The following DTX4 variants were observed in gnomAD, a reference collection of about 807,000 sequenced individuals.
DTX4 encodes the protein E3 ubiquitin-protein ligase DTX4.
Under a neutral mutation model 57.6 loss-of-function variants are expected in DTX4, and 28 were observed. The ratio of observed to expected loss-of-function variants is 0.49; its 90% CI spans 0.36 to 0.67. The LOEUF (loss-of-function observed/expected upper bound fraction) is 0.67. Among genes scored for constraint, DTX4 ranks in the 30% least tolerant of loss-of-function variants. The pLI, the probability that DTX4 is intolerant of heterozygous loss-of-function variation, is 0.00. For synonymous variants in DTX4, 316 were observed against 331.0 expected (o/e 0.95, Z 0.49); for missense variants, 715 against 836.8 (o/e 0.85, Z 1.80).
intron 1 of DTX4, among the ~76,000 whole-genome samples, chr11:59,174,224 G>A (rs556224407): frequency 6.6e-6 from 1 of 152,242 alleles, no homozygotes; most frequent in South Asian, 2.1e-4. Flanking sequence ...GTTAGAATCT[G>A]GAGGGGCTTC....
At position 59,207,062 on chromosome 11, in the gene DTX4, C is replaced by T. The variant is rs1455350317; in HGVS notation, c.*2153C>T. ...TGTACAGAGATTACTTGGAGAGCCT[C>T]ATGCCGTCTCTACCTTCGCACACTG... On this transcript the variant is annotated 3_prime_UTR_variant, in exon 9 of 9. Transcript: ENST00000227451. 1 of 152,248 alleles carries T rather than the reference C, an allele frequency of 6.6e-6. No homozygotes were observed. Among genetic ancestry groups the T allele is most frequent in the African/African-American group, 2.4e-5 (1 of 41,454 alleles). The allele number at this position is 152,248 out of a possible 1,614,324, so 9.4% of individuals were successfully genotyped here.
intron 6 of DTX4, chr11:59,194,780 C>G (rs756547747): frequency 4.8e-6 from 1 of 209,950 alleles, no homozygotes; most frequent in Non-Finnish European, 9.5e-6. Context: ...TCAGTGGACC[C>G]GATGTGGTGC....
At chr11:59,180,528 G>A (rs759044731) in intron 1 of DTX4, among the ~76,000 whole-genome samples, 7 of 152,188 alleles carry the variant, frequency 4.6e-5, no homozygotes, top group African/African-American at 7.2e-5. Flanking sequence ...GGTTGGAGGA[G>A]GGGTGGGTCA....
chr11:59,191,678 G>A (rs996560083), intron 5 of DTX4, among the ~76,000 whole-genome samples: 1 of 152,178 alleles, frequency 6.6e-6, no homozygotes, highest in Non-Finnish European at 1.5e-5. Context: ...TAGTTCTGAG[G>A]TTTAGAAACC....
chr11:59,175,859 G>A (rs1032183147), intron 1 of DTX4, among the ~76,000 whole-genome samples: 4 of 151,682 alleles, frequency 2.6e-5, no homozygotes, highest in South Asian at 2.1e-4. Flanking sequence ...TGTTTACTCC[G>A]TGACCTTGAC....
chr11:59,186,781 C>G (rs1413650843), intron 2 of DTX4, among the ~76,000 whole-genome samples: 1 of 152,224 alleles, frequency 6.6e-6, no homozygotes, highest in African/African-American at 2.4e-5. Context: ...GGGAGCAGGT[C>G]ACAGAGTCCA....
At chr11:59,196,305 G>T (rs1444439805) in intron 7 of DTX4, among the ~76,000 whole-genome samples, 1 of 152,160 alleles carries the variant, frequency 6.6e-6, no homozygotes, top group Non-Finnish European at 1.5e-5. Context: ...GGAAACAAAT[G>T]AATAAACAAG....
Position 59,208,139 on chromosome 11 carries a change from T to G in DTX4, c.*3230T>G, listed in dbSNP as rs1446299692. 2 of 152,666 alleles carry G rather than the reference T, an allele frequency of 1.3e-5. No homozygotes were observed. Among genetic ancestry groups the G allele is most frequent in the African/African-American group, 2.4e-5 (1 of 41,440 alleles). The allele number at this position is 152,666 out of a possible 1,614,324, so 9.5% of individuals were successfully genotyped here. On this transcript the variant is annotated 3_prime_UTR_variant, in exon 9 of 9. Transcript: ENST00000227451. The stretch of plus-strand genomic sequence containing the variant: ...GCCACCTGGTGCTCATGAGGTGTCT[T>G]TGCAGAACAATAAATGGCAAATGAA...
At chr11:59,191,821 G>A (rs775531425) in intron 5 of DTX4, among the ~76,000 whole-genome samples, 10 of 152,142 alleles carry the variant, frequency 6.6e-5, no homozygotes, top group African/African-American at 4.8e-5. Flanking sequence ...TCCATAAGCC[G>A]TTGAAGGACA....
At position 59,191,144 on chromosome 11, in the gene DTX4, A is replaced by G. The variant is rs754808900; in HGVS notation, c.1190A>G (p.Tyr397Cys). 5.7e-6 allele frequency: 9 copies of G among 1,573,894 alleles called. No homozygotes were observed. The highest frequency in any genetic ancestry group is 7.8e-6 in the Non-Finnish European group (9 of 1,159,692). The change falls in exon 5 of 9, where the codon TAT (tyrosine) becomes TGT (cysteine). Residue 397 changes from tyrosine to cysteine, a missense_variant. Transcript: ENST00000227451. ...ACCCCAGAGGAAGTGCTAAAAAAAT[A>G]TCTACAGAAAGTCCGGCACCCACCA... ...GKTPEEVLKK[Y>C]LQKVRHPPDE... is the part of the protein sequence containing the mutation.
chr11:59,182,327 C>A lies in DTX4; in HGVS notation c.800C>A (p.Thr267Asn). Reference sequence around the variant, plus strand: ...CGGAGACAAGCCTCCAGCATGCCCACTGGGACAACCATGGGCTCTCCTGCC... The same window carrying A: ...CGGAGACAAGCCTCCAGCATGCCCAATGGGACAACCATGGGCTCTCCTGCC... ...VIRRQASSMP[T>N]GTTMGSPASP... Residue 267 changes from threonine (T) to asparagine (N), a missense_variant, in exon 2 of 9, where the codon ACT becomes AAT. Transcript: ENST00000227451. The A allele has an allele frequency of 6.2e-7, 1 of 1,612,976 alleles. No homozygotes were observed. Among genetic ancestry groups the A allele is most frequent in the Middle Eastern group, 1.7e-4 (1 of 6,060 alleles).
chr11:59,175,714 C>T (rs1005940669), intron 1 of DTX4, among the ~76,000 whole-genome samples: 2 of 152,108 alleles, frequency 1.3e-5, no homozygotes, highest in Non-Finnish European at 2.9e-5. Flanking sequence ...GACTGAAGAG[C>T]TTTACTTCAG....
At position 59,196,067 on chromosome 11, in the gene DTX4, T is replaced by C. The variant is rs145196312; in HGVS notation, c.1536+698T>C. Reference sequence around the variant, plus strand: ...TTCCTTCACACAATGAAGCTTTTTCTGAGTGTTCTGGGCCGTTGACTGTAT... The same window carrying C: ...TTCCTTCACACAATGAAGCTTTTTCCGAGTGTTCTGGGCCGTTGACTGTAT... On this transcript the variant is annotated intron_variant, in intron 7 of 8. Coordinates refer to ENST00000227451, the MANE Select transcript of DTX4 (RefSeq NM_015177.2). Among the ~76,000 whole-genome samples, 604 of 152,398 alleles carry C rather than the reference T, an allele frequency of 4.0e-3. 3 individuals carry two copies. Among genetic ancestry groups the C allele is most frequent in the African/African-American group, 0.013 (532 of 41,590 alleles).
chr11:59,180,628 C>G (rs1258071875), intron 1 of DTX4, among the ~76,000 whole-genome samples: 2 of 152,162 alleles, frequency 1.3e-5, no homozygotes, highest in African/African-American at 4.8e-5. Context: ...AGGGGCCCTC[C>G]CCGACCTCCC....
chr11:59,192,070 C>A (rs894854954), intron 5 of DTX4, 28 bp from the exon 6 acceptor site: 2 of 1,600,532 alleles, frequency 1.2e-6, no homozygotes, highest in Non-Finnish European at 1.7e-6. Flanking sequence ...AGCTGACAGC[C>A]TCTCTGCTGT....
chr11:59,199,836 G>A, intron 8 of DTX4, 63 bp downstream of exon 8: 2 of 1,392,832 alleles, frequency 1.4e-6, no homozygotes, highest in Middle Eastern at 1.8e-4. Flanking sequence ...TTACTTCTAT[G>A]TCAAGGCCTA....
intron 8 of DTX4, among the ~76,000 whole-genome samples, chr11:59,204,004 A>G (rs1193595636): frequency 6.6e-6 from 1 of 151,992 alleles, no homozygotes; most frequent in African/African-American, 2.4e-5. Context: ...GCTGGACACT[A>G]CTCTGACCAA....
chr11:59,179,630 AC>A (rs1862437799), intron 1 of DTX4, among the ~76,000 whole-genome samples: 1 of 151,770 alleles, frequency 6.6e-6, no homozygotes, highest in Non-Finnish European at 1.5e-5. Flanking sequence ...AAAACTCCCC[AC>A]CTTGTTCACT....
At chr11:59,203,822 T>C (rs1239395044) in intron 8 of DTX4, among the ~76,000 whole-genome samples, 2 of 152,238 alleles carry the variant, frequency 1.3e-5, no homozygotes, top group African/African-American at 4.8e-5. Flanking sequence ...AACGATTATA[T>C]GTCCCAATGC....
Sources: gnomAD v4.1 joint callset for allele counts (sites outside exome capture counted in the v4.1 genomes callset) on GRCh38, gnomAD v4.1.1 for gene constraint, MANE v1.5 for transcripts, NCBI Gene and HGNC (gene_info 2026-07-23, HGNC 2026-07-21) for gene names.